TNS4: variants seen among roughly 807,000 people sequenced by gnomAD.
TNS4 encodes the protein tensin 4, also known as tensin-4.
Under a neutral mutation model 70.4 loss-of-function variants are expected in TNS4, and 46 were observed. The ratio of observed to expected loss-of-function variants is 0.65; its 90% CI spans 0.52 to 0.84. The LOEUF (loss-of-function observed/expected upper bound fraction) is 0.84. Among genes scored for constraint, TNS4 ranks in the 40% least tolerant of loss-of-function variants. The pLI is 0.00. For synonymous variants in TNS4, 390 were observed against 366.6 expected (o/e 1.06, Z -0.73); for missense variants, 863 against 907.0 (o/e 0.95, Z 0.62).
rs776968849 is a variant in TNS4 at position 40,488,887 on chromosome 17, C to T, written c.522G>A (p.Pro174=). ...PQHCSSPSVT[P]PFGSLRSGGL... ...CACCACTGCGAAGGGAGCCGAAGGG[C>T]GGGGTGACAGAGGGGCTGGAGCAGT... is the stretch of plus-strand genomic sequence containing the variant. Residue 174 remains proline, a synonymous_variant, in exon 3 of 13, where the codon CCG becomes CCA. Transcript: ENST00000254051. The T allele has an allele frequency of 3.3e-5, 54 of 1,612,582 alleles. No homozygotes were observed. Among genetic ancestry groups the T allele is most frequent in the East Asian group, 4.5e-5 (2 of 44,852 alleles).
chr17:40,481,506 A>T (rs2035920964), intron 8 of TNS4, among the ~76,000 whole-genome samples: 1 of 152,136 alleles, frequency 6.6e-6, no homozygotes, highest in Non-Finnish European at 1.5e-5. Flanking sequence ...CTGGGATTAC[A>T]GGCGCCCACC....
intron 2 of TNS4, among the ~76,000 whole-genome samples, chr17:40,491,231 A>G (rs1302001039): frequency 6.6e-6 from 1 of 152,222 alleles, no homozygotes; most frequent in Non-Finnish European, 1.5e-5. Context: ...AGCTTGGAGA[A>G]GAGTGGGGAT....
In TNS4 at chr17:40,479,699, T is replaced by C. The variant is rs1305721905; in HGVS notation, c.1885A>G (p.Ile629Val). 6.2e-7 allele frequency: 1 copy of C among 1,613,924 alleles called. No homozygotes were observed. The highest frequency in any genetic ancestry group is 2.2e-5 in the East Asian group (1 of 44,896). ...VVHFKVTEQG[I>V]TLTDVQRKVF... is the part of the protein sequence containing the mutation. ...TTCCTCTGGACATCAGTCAGAGTGA[T>C]GCCCTGCTCTGTGACTTTGAAGTGG... The change falls in exon 10 of 13, where the codon ATC becomes GTC. Residue 629 changes from isoleucine (I) to valine (V), a missense_variant. Coordinates refer to ENST00000254051, the MANE Select transcript of TNS4 (RefSeq NM_032865.6).
At chr17:40,477,928 T>A in intron 12 of TNS4, 199 bp from the exon 13 acceptor site, 2 of 614,768 alleles carry the variant, frequency 3.3e-6, no homozygotes, top group South Asian at 2.0e-5. Context: ...GATTTCTGAG[T>A]TCAAGCTCTG....
At chr17:40,496,545 G>C in intron 1 of TNS4, 25 bp from the exon 2 acceptor site, 1 of 1,085,920 alleles carries the variant, frequency 9.2e-7, no homozygotes, top group Non-Finnish European at 1.3e-6. Flanking sequence ...GAGTGGGAAC[G>C]GAGTAATTTC....
rs931308018 is a variant in TNS4 at position 40,476,170 on chromosome 17, G to C, written c.*1418C>G. ...CTGACCCTCCCTTCCACCCCGGTAG[G>C]GTGGTTTCCTTAGGAACTCAGGCCT... On this transcript the variant is annotated 3_prime_UTR_variant, in exon 13 of 13. Coordinates refer to ENST00000254051, the MANE Select transcript of TNS4 (RefSeq NM_032865.6). The C allele has an allele frequency of 6.7e-6, 1 of 150,238 alleles. No homozygotes were observed. The highest frequency in any genetic ancestry group is 1.5e-5 in the Non-Finnish European group (1 of 67,734). The allele number at this position is 150,238 out of a possible 1,614,324, so 9.3% of individuals were successfully genotyped here.
chr17:40,485,264 T>C (rs1423944589), intron 4 of TNS4, among the ~76,000 whole-genome samples: 2 of 152,218 alleles, frequency 1.3e-5, no homozygotes. Context: ...AATGAATAGA[T>C]ACAACCTCAG....
In TNS4 at chr17:40,487,297, C is replaced by T. The variant is rs777176368; in HGVS notation, c.1027G>A (p.Gly343Ser). ...GGAGAGTGGGGTGTTCTGGGTTGGC[C>T]CATGGTTAGGGTGGGGTTTCTGGGA... Reference protein sequence around the residue: ...QAPRNPTLTMGQPRTPHSPPL... With the variant: ...QAPRNPTLTMSQPRTPHSPPL... The change falls in exon 4 of 13, where the codon GGC (glycine) becomes AGC (serine). Residue 343 changes from glycine to serine, a missense_variant. By Grantham distance (56) the Gly-to-Ser change is moderately conservative. Transcript: ENST00000254051. The T allele has an allele frequency of 3.7e-6, 6 of 1,613,878 alleles. No individual in the cohort carries two copies. Among genetic ancestry groups the T allele is most frequent in the Non-Finnish European group, 5.1e-6 (6 of 1,180,000 alleles).
At chr17:40,495,835 A>G in intron 2 of TNS4, 152 bp downstream of exon 2, 2 of 726,812 alleles carry the variant, frequency 2.8e-6, no homozygotes, top group East Asian at 3.0e-5. Context: ...CCCTTTGTGT[A>G]GCACAGAAAA....
chr17:40,477,352 C>A lies in TNS4; in HGVS notation c.*236G>T. ...AATGCCCACCAGCATCTAAGAACAG[C>A]TGATCTTGTCTATTGGTCTTCTTCT... is the stretch of plus-strand genomic sequence containing the variant. On this transcript the variant is annotated 3_prime_UTR_variant, in exon 13 of 13. Coordinates refer to ENST00000254051, the MANE Select transcript of TNS4 (RefSeq NM_032865.6). 2.0e-6 allele frequency: 1 copy of A among 505,982 alleles called. No individual in the cohort carries two copies. Among genetic ancestry groups the A allele is most frequent in the South Asian group, 2.9e-5 (1 of 33,998 alleles). The allele number at this position is 505,982 out of a possible 1,614,324, so 31.3% of individuals were successfully genotyped here. A position where few individuals can be genotyped will look rare whatever the true frequency, so the allele number is the denominator to read the frequency against.
intron 8 of TNS4, 171 bp from the exon 9 acceptor site, chr17:40,480,939 T>A (rs780617192): frequency 6.9e-5 from 48 of 698,134 alleles, no homozygotes; most frequent in Non-Finnish European, 1.1e-4. Context: ...AACAGGCCAC[T>A]TTGGGCTCCC....
chr17:40,494,369 G>A (rs997000073), intron 2 of TNS4, among the ~76,000 whole-genome samples: 13 of 152,228 alleles, frequency 8.5e-5, no homozygotes, highest in Non-Finnish European at 1.8e-4. Flanking sequence ...TCTGCCTGAC[G>A]CCAGCCATTA....
chr17:40,479,894 C>T lies in TNS4; in HGVS notation c.1742-52G>A, dbSNP rs36028353. The T allele has an allele frequency of 1.6e-3, 2,549 of 1,548,318 alleles. 28 individuals are homozygous for T. The African/African-American group carries it at 0.031, about 19-fold the overall frequency. ...GCCACTGACCCAGGGCCCAGGTTCT[C>T]CCTCTGCCCAGGGCCAGGGGAGGGG... On this transcript the variant is annotated intron_variant, in intron 9 of 12. Coordinates refer to ENST00000254051, the MANE Select transcript of TNS4 (RefSeq NM_032865.6).
rs983740757 is a variant in TNS4, at chr17:40,477,434, T to C, written c.*154A>G. 8.2e-6 allele frequency: 8 copies of C among 972,808 alleles called. No homozygotes were observed. The highest frequency in any genetic ancestry group is 8.9e-6 in the Non-Finnish European group (6 of 673,442). 60.3% of individuals were successfully genotyped at this position (972,808 alleles called of 1,614,324 possible). ...GGATGATGGTGACTGCTGAAGGCCA[T>C]AGCAGGTTCAAGGGTGTCAACTTGA... On this transcript the variant is annotated 3_prime_UTR_variant, in exon 13 of 13. Transcript: ENST00000254051.
chr17:40,490,527 A>C (rs2036055320), intron 2 of TNS4, among the ~76,000 whole-genome samples: 2 of 152,122 alleles, frequency 1.3e-5, no homozygotes, highest in East Asian at 1.9e-4. Flanking sequence ...GCCCTGGCAC[A>C]TGCACTGTTC....
intron 6 of TNS4, 27 bp downstream of exon 6, chr17:40,484,457 T>G (rs780240954): frequency 1.2e-6 from 2 of 1,605,644 alleles, no homozygotes; most frequent in South Asian, 2.2e-5. Context: ...AGTGAGGCCT[T>G]GAGTGAGCAC....
chr17:40,479,823 C>G lies in TNS4; in HGVS notation c.1761G>C (p.Leu587=). Residue 587 remains leucine (L), a synonymous_variant, in exon 10 of 13, where the codon CTG becomes CTC. Transcript: ENST00000254051. ...KKSAGCHTLY[L]SSVSVETLTG... is the part of the protein sequence containing the mutation. ...TCAGGGTCTCCACGCTCACTGAGCT[C>G]AGGTACAGGGTGTGGCAGCCTGTGG... is the stretch of plus-strand genomic sequence containing the variant. The G allele has an allele frequency of 6.2e-7, 1 of 1,612,750 alleles. No homozygotes were observed.
At chr17:40,496,876 C>G (rs148320982) in intron 1 of TNS4, among the ~76,000 whole-genome samples, 2 of 152,260 alleles carry the variant, frequency 1.3e-5, no homozygotes, top group African/African-American at 4.8e-5. Context: ...TAAATACTAC[C>G]TAACGTTTGC....
chr17:40,488,251 C>A (rs1364835387), intron 3 of TNS4, among the ~76,000 whole-genome samples: 2 of 152,148 alleles, frequency 1.3e-5, no homozygotes, highest in Admixed American at 6.5e-5. Context: ...TTAAAAAAAC[C>A]TTCCTTGAGA....
Sources: gnomAD v4.1 joint callset for allele counts (sites outside exome capture counted in the v4.1 genomes callset) on GRCh38, gnomAD v4.1.1 for gene constraint, MANE v1.5 for transcripts, NCBI Gene and HGNC (gene_info 2026-07-23, HGNC 2026-07-21) for gene names.